The following MANBA variants were observed in gnomAD, a reference collection of about 807,000 sequenced individuals.
The protein encoded by MANBA is beta-mannosidase.
Under a neutral mutation model 111.1 loss-of-function variants are expected in MANBA, and 83 were observed. The observed-to-expected ratio is 0.75, with a 90% confidence interval of 0.63 to 0.90. MANBA has a LOEUF of 0.90. Ranked by LOEUF, MANBA falls within the 40% of genes least tolerant of loss-of-function variation. The pLI is 0.00. For synonymous variants in MANBA, 370 were observed against 378.7 expected (o/e 0.98, Z 0.27); for missense variants, 1,036 against 1,069.0 (o/e 0.97, Z 0.43).
At chr4:102,678,172 A>G (rs1578894769) in intron 7 of MANBA, among the ~76,000 whole-genome samples, 1 of 152,330 alleles carries the variant, frequency 6.6e-6, no homozygotes, top group East Asian at 1.9e-4. Flanking sequence ...ATGTTCTTAT[A>G]AAAAGGCATC....
At chr4:102,733,723 GTT>G (rs1317121535) in intron 1 of MANBA, among the ~76,000 whole-genome samples, 2 of 152,070 alleles carry the variant, frequency 1.3e-5, no homozygotes, top group African/African-American at 4.8e-5. Context: ...TAATCAATCA[GTT>G]TTTTTCCTAC....
chr4:102,643,010 G>T (rs568603576), intron 13 of MANBA, among the ~76,000 whole-genome samples: 2 of 152,076 alleles, frequency 1.3e-5, no homozygotes, highest in Non-Finnish European at 2.9e-5. Flanking sequence ...TAATTCATTG[G>T]TTTTTAGCAC....
At chr4:102,678,672 A>G (rs952667961) in intron 7 of MANBA, among the ~76,000 whole-genome samples, 1 of 152,194 alleles carries the variant, frequency 6.6e-6, no homozygotes, top group Non-Finnish European at 1.5e-5. Context: ...TCCTCACTAG[A>G]TCAGTGTTTT....
chr4:102,721,719 A>T (rs1722582407), intron 4 of MANBA, among the ~76,000 whole-genome samples: 2 of 152,182 alleles, frequency 1.3e-5, no homozygotes, highest in Admixed American at 6.5e-5. Context: ...TTCTAGGGGA[A>T]TCAAACACAT....
intron 9 of MANBA, among the ~76,000 whole-genome samples, chr4:102,669,484 A>T (rs1192085019): frequency 6.6e-6 from 1 of 152,234 alleles, no homozygotes; most frequent in Non-Finnish European, 1.5e-5. Flanking sequence ...GGATTACTAC[A>T]TGCACATTTT....
At chr4:102,727,699 G>T in intron 1 of MANBA, 1 of 1,155,938 alleles carries the variant, frequency 8.7e-7, no homozygotes, top group South Asian at 1.2e-5. Context: ...TCAGGAGGAT[G>T]GTTGTAGGTT....
intron 5 of MANBA, among the ~76,000 whole-genome samples, chr4:102,698,116 G>A (rs1732819749): frequency 6.6e-6 from 1 of 151,736 alleles, no homozygotes; most frequent in African/African-American, 2.4e-5. Flanking sequence ...CAGTGATGAT[G>A]AGCATTTTTT....
At chr4:102,716,139 G>A (rs554264899) in intron 4 of MANBA, among the ~76,000 whole-genome samples, 52 of 151,684 alleles carry the variant, frequency 3.4e-4, no homozygotes, top group African/African-American at 1.2e-3. Flanking sequence ...GAGAAACCCC[G>A]TCTCTACTAA....
At chr4:102,654,863 G>T (rs1730492454) in intron 12 of MANBA, among the ~76,000 whole-genome samples, 1 of 151,960 alleles carries the variant, frequency 6.6e-6, no homozygotes, top group Admixed American at 6.6e-5. Flanking sequence ...GAAATAAAAG[G>T]CTTCCAGATT....
chr4:102,726,410 T>A lies in MANBA; in HGVS notation c.272+179A>T, dbSNP rs533447962. On this transcript the variant is annotated intron_variant, in intron 2 of 16. Transcript: ENST00000647097. ...ACAAAACAAAACATAAATAATATAT[T>A]CACTTTTATAGTACAAGGCTTTCAT... Among the ~76,000 whole-genome samples, 5 of 151,990 alleles carry A rather than the reference T, an allele frequency of 3.3e-5. No individual in the cohort carries two copies. In the East Asian group the frequency reaches 9.7e-4, roughly 29 times the overall value.
intron 4 of MANBA, among the ~76,000 whole-genome samples, chr4:102,718,639 G>A (rs1722440160): frequency 1.3e-5 from 2 of 152,190 alleles, no homozygotes; most frequent in Admixed American, 6.5e-5. Context: ...GGGGACTTAG[G>A]TTGCTACAGG....
intron 5 of MANBA, among the ~76,000 whole-genome samples, chr4:102,698,199 G>A (rs1578913090): frequency 6.6e-6 from 1 of 152,224 alleles, no homozygotes; most frequent in East Asian, 1.9e-4. Context: ...TTTTTGATGG[G>A]GTTGTTTGTC....
At chr4:102,713,309 C>T (rs1051326392) in intron 5 of MANBA, among the ~76,000 whole-genome samples, 1 of 152,194 alleles carries the variant, frequency 6.6e-6, no homozygotes, top group African/African-American at 2.4e-5. Flanking sequence ...CATCTTCATC[C>T]TTCATTTCCC....
rs189601775 is a variant in MANBA, at chr4:102,630,983, T to C, written c.*1074A>G. On this transcript the variant is annotated 3_prime_UTR_variant, in exon 17 of 17. Coordinates refer to ENST00000647097, the MANE Select transcript of MANBA (RefSeq NM_005908.4). ...AGGTGTCAAGAAGAGCAGTCCTCCCTGCCTCGCAGCAATGCTTTGCTAAAA... is the reference window on the plus strand; with the variant it reads ...AGGTGTCAAGAAGAGCAGTCCTCCCCGCCTCGCAGCAATGCTTTGCTAAAA... The C allele has an allele frequency of 6.6e-6, 1 of 152,204 alleles. No homozygotes were observed. The highest frequency in any genetic ancestry group is 2.4e-5 in the African/African-American group (1 of 41,440). 9.4% of individuals were successfully genotyped at this position (152,204 alleles called of 1,614,324 possible). A position where few individuals can be genotyped will look rare whatever the true frequency, so the allele number is the denominator to read the frequency against.
At chr4:102,715,565 G>T (rs866507721) in intron 4 of MANBA, among the ~76,000 whole-genome samples, 1 of 152,114 alleles carries the variant, frequency 6.6e-6, no homozygotes, top group Non-Finnish European at 1.5e-5. Context: ...TGTCATGGGG[G>T]TTTGTCATAG....
At chr4:102,641,954 G>A (rs1729895789) in intron 13 of MANBA, among the ~76,000 whole-genome samples, 1 of 151,456 alleles carries the variant, frequency 6.6e-6, no homozygotes, top group African/African-American at 2.4e-5. Context: ...AGACTCTTTT[G>A]TGCTCCAGGC....
chr4:102,726,605 T>C lies in MANBA; in HGVS notation c.256A>G (p.Ile86Val). The change falls in exon 2 of 17, where the codon ATC becomes GTC. Residue 86 changes from isoleucine to valine, a missense_variant. Ile to Val is a conservative substitution (Grantham distance 29, BLOSUM62 3). Coordinates refer to ENST00000647097, the MANE Select transcript of MANBA (RefSeq NM_005908.4). ...DNWTYSKEFK[I>V]PFEISKWQKV... ...CATACATACCTAATTTCAAAGGGGA[T>C]TTTAAATTCTTTGCTATAGGTCCAG... 1 of 1,530,530 alleles carries C rather than the reference T, an allele frequency of 6.5e-7. No homozygotes were observed. Among genetic ancestry groups the C allele is most frequent in the South Asian group, 1.1e-5 (1 of 88,244 alleles). The allele number at this position is 1,530,530 out of a possible 1,614,324, so 94.8% of individuals were successfully genotyped here.
intron 5 of MANBA, among the ~76,000 whole-genome samples, chr4:102,691,514 CT>C (rs544931674): frequency 0.027 from 3,755 of 137,010 alleles, 66 homozygotes; most frequent in African/African-American, 0.065. Context: ...TTTCTTTTTC[CT>C]TTTTTTTTTT....
intron 5 of MANBA, among the ~76,000 whole-genome samples, chr4:102,700,246 T>C (rs1350484524): frequency 2.0e-5 from 3 of 151,276 alleles, no homozygotes; most frequent in African/African-American, 7.3e-5. Context: ...GATTCTTCTC[T>C]CTTTTTTTCT....
Sources: gnomAD v4.1 joint callset for allele counts (sites outside exome capture counted in the v4.1 genomes callset) on GRCh38, gnomAD v4.1.1 for gene constraint, MANE v1.5 for transcripts, NCBI Gene and HGNC (gene_info 2026-07-23, HGNC 2026-07-21) for gene names.